CLVS1: variants seen among roughly 807,000 people sequenced by gnomAD.
CLVS1 encodes clavesin-1.
A neutral mutation model predicts 33.1 loss-of-function variants in CLVS1; 10 were observed. That is an observed-to-expected ratio of 0.30 (90% CI 0.19 to 0.51). CLVS1 has a LOEUF of 0.51. Among genes scored for constraint, CLVS1 ranks in the 20% least tolerant of loss-of-function variants. The probability of loss-of-function intolerance (pLI) is 0.97; values close to 1 mark genes in which losing one functional copy is unlikely to be tolerated. For synonymous variants in CLVS1, 163 were observed against 166.1 expected (o/e 0.98, Z 0.14); for missense variants, 343 against 433.4 (o/e 0.79, Z 1.85).
chr8:61,199,564 C>G (rs1807686226), intron 2 of CLVS1, among the ~76,000 whole-genome samples: 1 of 152,190 alleles, frequency 6.6e-6, no homozygotes, highest in African/African-American at 2.4e-5. Flanking sequence ...AAGATACCAC[C>G]TTACTCCAGC....
intron 2 of CLVS1, among the ~76,000 whole-genome samples, chr8:61,322,956 C>T (rs937997041): frequency 5.9e-5 from 9 of 152,262 alleles, no homozygotes; most frequent in Admixed American, 3.9e-4. Context: ...TCTTGTGGTA[C>T]TCCGAATAAT....
chr8:60,992,523 C>T, the CLVS1 span, among the ~76,000 whole-genome samples: 1 of 152,146 alleles, frequency 6.6e-6, no homozygotes, highest in Non-Finnish European at 1.5e-5. Context: ...AGGTCTCCCT[C>T]GAATCAATGT....
the CLVS1 span, among the ~76,000 whole-genome samples, chr8:60,974,558 A>G: frequency 1.3e-5 from 2 of 152,100 alleles, no homozygotes; most frequent in African/African-American, 2.4e-5. Flanking sequence ...TTTTCTCCCC[A>G]CTTAGTATGA....
intron 1 of CLVS1, among the ~76,000 whole-genome samples, chr8:61,290,616 A>T (rs1461543538): frequency 6.6e-6 from 1 of 152,204 alleles, no homozygotes; most frequent in Non-Finnish European, 1.5e-5. Context: ...GCACTTTATT[A>T]TCCCTAAGAA....
chr8:61,287,926 G>T (rs905479120), upstream of CLVS1: 10 of 358,188 alleles, frequency 2.8e-5, no homozygotes, highest in East Asian at 6.0e-4. Context: ...GGACCCAGGG[G>T]AAAGCTAGGC....
intron 2 of CLVS1, among the ~76,000 whole-genome samples, chr8:61,195,774 G>C (rs538438390): frequency 6.6e-6 from 1 of 152,180 alleles, no homozygotes; most frequent in African/African-American, 2.4e-5. Context: ...TTATGAGGAA[G>C]TTAATGACTG....
the CLVS1 span, among the ~76,000 whole-genome samples, chr8:61,032,984 GGAAGGAAGGAAA>G: frequency 8.9e-3 from 692 of 77,854 alleles, 12 homozygotes; most frequent in African/African-American, 0.032. Context: ...AAGGAAGGAA[GGAAGGAAGGAAA>G]GAAAGAAAGA....
At chr8:61,190,241 A>C (rs1484639435) in intron 2 of CLVS1, among the ~76,000 whole-genome samples, 5 of 152,230 alleles carry the variant, frequency 3.3e-5, no homozygotes, top group Non-Finnish European at 5.9e-5. Flanking sequence ...GCTCAACTAC[A>C]TGGAAACTGA....
chr8:61,232,041 T>TTGTTTG (rs1554548395), intron 2 of CLVS1, among the ~76,000 whole-genome samples: 1 of 116,004 alleles, frequency 8.6e-6, no homozygotes, highest in African/African-American at 4.8e-5. Context: ...TTTTTTTTTT[T>TTGTTTG]TTTTTTTTTG....
the CLVS1 span, among the ~76,000 whole-genome samples, chr8:61,040,287 T>C: frequency 6.6e-6 from 1 of 152,246 alleles, no homozygotes; most frequent in South Asian, 2.1e-4. Flanking sequence ...CAATTGTGAA[T>C]AGTGCTGTGA....
At chr8:61,403,299 C>A (rs574489449) in intron 3 of CLVS1, among the ~76,000 whole-genome samples, 1 of 152,206 alleles carries the variant, frequency 6.6e-6, no homozygotes, top group African/African-American at 2.4e-5. Context: ...GAGTGGGAGG[C>A]CCTGTCAGCC....
At chr8:61,404,135 T>C (rs1203554452) in intron 3 of CLVS1, among the ~76,000 whole-genome samples, 1 of 152,160 alleles carries the variant, frequency 6.6e-6, no homozygotes, top group Non-Finnish European at 1.5e-5. Context: ...GGGCCATATT[T>C]TGGGGGACCT....
intron 5 of CLVS1, among the ~76,000 whole-genome samples, chr8:61,488,444 A>G (rs2129608496): frequency 6.6e-6 from 1 of 152,340 alleles, no homozygotes. Flanking sequence ...ACTTTATAAT[A>G]TAAATAATCC....
At chr8:61,145,406 T>G (rs1158366240) in intron 2 of CLVS1, among the ~76,000 whole-genome samples, 1 of 152,222 alleles carries the variant, frequency 6.6e-6, no homozygotes, top group African/African-American at 2.4e-5. Context: ...GGAGTGTGAT[T>G]GGTTTTCTGA....
intron 2 of CLVS1, among the ~76,000 whole-genome samples, chr8:61,320,940 C>G (rs183465881): frequency 6.6e-6 from 1 of 152,156 alleles, no homozygotes; most frequent in African/African-American, 2.4e-5. Flanking sequence ...GTTATGGATG[C>G]CATCATTTGT....
intron 2 of CLVS1, among the ~76,000 whole-genome samples, chr8:61,327,029 G>A (rs1162730162): frequency 6.6e-6 from 1 of 152,136 alleles, no homozygotes; most frequent in Non-Finnish European, 1.5e-5. Flanking sequence ...ATCATTAAGA[G>A]TGAGCTAAAG....
intron 2 of CLVS1, among the ~76,000 whole-genome samples, chr8:61,219,992 ATTGT>A (rs1808175222): frequency 6.6e-6 from 1 of 151,556 alleles, no homozygotes; most frequent in East Asian, 1.9e-4. Flanking sequence ...TTTTTATGGG[ATTGT>A]TTGTTTTTTT....
At chr8:61,395,845 A>G (rs1814504325) in intron 3 of CLVS1, among the ~76,000 whole-genome samples, 1 of 152,244 alleles carries the variant, frequency 6.6e-6, no homozygotes, top group African/African-American at 2.4e-5. Context: ...TGACACAACT[A>G]GAAACGTCAT....
At chr8:61,090,040 T>A (rs966317298) in intron 1 of CLVS1, among the ~76,000 whole-genome samples, 9 of 152,366 alleles carry the variant, frequency 5.9e-5, no homozygotes, top group African/African-American at 1.9e-4. Context: ...CTGCTGTTAT[T>A]TGAGCAGCCC....
Sources: gnomAD v4.1 joint callset for allele counts (sites outside exome capture counted in the v4.1 genomes callset) on GRCh38, gnomAD v4.1.1 for gene constraint, MANE v1.5 for transcripts, NCBI Gene and HGNC (gene_info 2026-07-23, HGNC 2026-07-21) for gene names.